The following HEMK2 variants were observed in gnomAD, a reference collection of about 807,000 sequenced individuals.
HEMK2 encodes methyltransferase HEMK2.
chr21:28,657,769 C>T, the HEMK2 span, among the ~76,000 whole-genome samples: 4 of 151,924 alleles, frequency 2.6e-5, no homozygotes, highest in African/African-American at 9.7e-5. Flanking sequence ...GGCTGCCAAC[C>T]AGGAAAAATA....
chr21:28,656,373 G>A, the HEMK2 span, among the ~76,000 whole-genome samples: 2 of 152,028 alleles, frequency 1.3e-5, no homozygotes, highest in Admixed American at 6.6e-5. Context: ...AATCAGGACA[G>A]TCCCAGGATA....
chr21:28,713,740 T>G, the HEMK2 span, among the ~76,000 whole-genome samples: 1 of 152,208 alleles, frequency 6.6e-6, no homozygotes, highest in Non-Finnish European at 1.5e-5. Flanking sequence ...TACGGACCCA[T>G]GTGACTGTCT....
the HEMK2 span, among the ~76,000 whole-genome samples, chr21:28,812,415 C>T: frequency 6.6e-6 from 1 of 152,154 alleles, no homozygotes; most frequent in African/African-American, 2.4e-5. Flanking sequence ...TGGTTTTTGT[C>T]ATTGGTTCTG....
the HEMK2 span, among the ~76,000 whole-genome samples, chr21:28,730,970 T>C: frequency 6.6e-6 from 1 of 150,836 alleles, no homozygotes; most frequent in East Asian, 2.0e-4. Flanking sequence ...CTCTACCCCA[T>C]CCCAGCAGGA....
At chr21:28,650,704 C>T in the HEMK2 span, among the ~76,000 whole-genome samples, 1 of 152,036 alleles carries the variant, frequency 6.6e-6, no homozygotes, top group East Asian at 1.9e-4. Context: ...GTCTAGCCAA[C>T]TATTCAGAGT....
chr21:28,726,563 T>A, the HEMK2 span, among the ~76,000 whole-genome samples: 1 of 152,224 alleles, frequency 6.6e-6, no homozygotes, highest in South Asian at 2.1e-4. Flanking sequence ...TTCACTTCTT[T>A]GAGATTTTTT....
the HEMK2 span, among the ~76,000 whole-genome samples, chr21:28,709,542 T>G: frequency 1.3e-5 from 2 of 152,244 alleles, no homozygotes; most frequent in East Asian, 3.9e-4. Flanking sequence ...GATAGAAAAA[T>G]TTCTTATATC....
chr21:28,690,432 T>A, the HEMK2 span, among the ~76,000 whole-genome samples: 1 of 152,196 alleles, frequency 6.6e-6, no homozygotes, highest in Non-Finnish European at 1.5e-5. Context: ...TCTAGCCTTA[T>A]GAGACTCATA....
the HEMK2 span, among the ~76,000 whole-genome samples, chr21:28,635,228 A>T: frequency 6.6e-6 from 1 of 151,862 alleles, no homozygotes; most frequent in African/African-American, 2.4e-5. Flanking sequence ...GAGCCTCCCA[A>T]GCTAGCTGGC....
the HEMK2 span, among the ~76,000 whole-genome samples, chr21:28,624,492 A>T: frequency 6.6e-6 from 1 of 152,192 alleles, no homozygotes; most frequent in Non-Finnish European, 1.5e-5. Context: ...CTGTCATCGA[A>T]GGGGAATATT....
chr21:28,586,600 T>C, the HEMK2 span, among the ~76,000 whole-genome samples: 1 of 152,236 alleles, frequency 6.6e-6, no homozygotes, highest in South Asian at 2.1e-4. Context: ...CTTATCACTT[T>C]CATCTAAGGA....
chr21:28,599,432 G>A, the HEMK2 span, among the ~76,000 whole-genome samples: 2 of 152,170 alleles, frequency 1.3e-5, no homozygotes, highest in African/African-American at 2.4e-5. Context: ...ATCAGATCTT[G>A]TGAGACTTAA....
At chr21:28,590,381 C>G in the HEMK2 span, among the ~76,000 whole-genome samples, 3 of 151,948 alleles carry the variant, frequency 2.0e-5, no homozygotes, top group Non-Finnish European at 1.5e-5. Context: ...CATTGAAGTT[C>G]TATGCTGATA....
the HEMK2 span, among the ~76,000 whole-genome samples, chr21:28,677,054 G>A: frequency 6.6e-6 from 1 of 152,172 alleles, no homozygotes; most frequent in African/African-American, 2.4e-5. Context: ...GTGGGTGCAG[G>A]ACAGTGGGTG....
chr21:28,767,122 G>A, the HEMK2 span, among the ~76,000 whole-genome samples: 1 of 151,960 alleles, frequency 6.6e-6, no homozygotes, highest in South Asian at 2.1e-4. Flanking sequence ...GTTATAAAAA[G>A]GGGAGTTCCC....
chr21:28,883,166 T>C, the HEMK2 span: 10 of 714,706 alleles, frequency 1.4e-5, no homozygotes, highest in Admixed American at 3.3e-4. Flanking sequence ...TATATATTTC[T>C]CTAGCATCAT....
At chr21:28,593,702 G>A in the HEMK2 span, among the ~76,000 whole-genome samples, 4 of 152,266 alleles carry the variant, frequency 2.6e-5, no homozygotes, top group Non-Finnish European at 5.9e-5. Context: ...GCCAAAGCTG[G>A]AACAGTTTGT....
At chr21:28,823,225 T>G in the HEMK2 span, among the ~76,000 whole-genome samples, 1 of 152,198 alleles carries the variant, frequency 6.6e-6, no homozygotes, top group South Asian at 2.1e-4. Context: ...TTGACAATTT[T>G]ATATCCAAAG....
the HEMK2 span, among the ~76,000 whole-genome samples, chr21:28,838,400 G>A: frequency 1.5e-5 from 2 of 130,034 alleles, no homozygotes; most frequent in Non-Finnish European, 3.4e-5. Context: ...CGGGCATGGT[G>A]GCAGGCGCCT....
Sources: allele counts gnomAD v4.1 joint callset (sites outside exome capture counted in the v4.1 genomes callset), GRCh38; gene constraint gnomAD v4.1.1; transcripts MANE v1.5; gene names NCBI Gene and HGNC (gene_info 2026-07-23, HGNC 2026-07-21).